NEBL: variants seen among roughly 807,000 people sequenced by gnomAD.
NEBL encodes the protein LIM and SH3 protein 2.
NEBL carries 122 observed loss-of-function variants against 140.2 expected under a neutral mutation model. That is an observed-to-expected ratio of 0.87 (90% CI 0.75 to 1.01). The LOEUF (loss-of-function observed/expected upper bound fraction) is 1.01. Ranked by LOEUF, NEBL falls within the 50% of genes least tolerant of loss-of-function variation. The pLI is 0.00. For missense variants in NEBL, 1,365 were observed against 1,231.3 expected (o/e 1.11, Z -1.62); for synonymous variants, 436 against 398.9 (o/e 1.09, Z -1.11).
intron 2 of NEBL, among the ~76,000 whole-genome samples, chr10:21,169,558 C>T (rs1008007565): frequency 6.6e-6 from 1 of 152,134 alleles, no homozygotes; most frequent in Non-Finnish European, 1.5e-5. Context: ...CCTTTTCAGA[C>T]TACAGACTGA....
rs1840104581 is a variant in NEBL, at chr10:20,828,566, A to C, written c.1740T>G (p.Ile580Met). 1 of 1,596,766 alleles carries C rather than the reference A, an allele frequency of 6.3e-7. No homozygotes were observed. ...NYSTIADTPE[I>M]QRIKTTQQNI... Reference sequence around the variant, plus strand: ...TTTGTTGAGTTGTCTTAATTCTCTGAATTTCAGGAGTATCTGCTATGGTAG... The same window carrying C: ...TTTGTTGAGTTGTCTTAATTCTCTGCATTTCAGGAGTATCTGCTATGGTAG... Residue 580 changes from isoleucine to methionine, a missense_variant, in exon 17 of 28, where the codon ATT (isoleucine) becomes ATG (methionine). This residue lies in a region of NEBL where 1,323 missense variants were observed against 1,154.8 expected (regional missense o/e 1.15). Coordinates refer to ENST00000377122, the MANE Select transcript of NEBL (RefSeq NM_006393.3).
At chr10:20,954,380 A>G (rs138122667) in intron 4 of NEBL, among the ~76,000 whole-genome samples, 5 of 152,368 alleles carry the variant, frequency 3.3e-5, no homozygotes, top group African/African-American at 1.2e-4. Context: ...CTGTATAGAA[A>G]AAAAGACACA....
intron 3 of NEBL, among the ~76,000 whole-genome samples, chr10:20,975,350 C>T (rs960507208): frequency 1.3e-5 from 2 of 151,978 alleles, no homozygotes; most frequent in African/African-American, 4.8e-5. Flanking sequence ...TCTGCTTGGG[C>T]CCATGAATGG....
Position 21,105,685 on chromosome 10 carries a change from C to A in NEBL, c.164+66698G>T, listed in dbSNP as rs147655230. 2.8e-3 allele frequency among the ~76,000 whole-genome samples: 427 copies of A among 152,202 alleles called. 1 individual carries two copies. Among genetic ancestry groups the A allele is most frequent in the African/African-American group, 8.9e-3 (370 of 41,512 alleles). On this transcript the variant is annotated intron_variant, in intron 2 of 6. Coordinates refer to the NEBL transcript ENST00000417816. ...TCTTTGTAGTAGCATGATTTATAATCCTTTGGGTATATACCCAATAAGGGG... is the reference window on the plus strand; with the variant it reads ...TCTTTGTAGTAGCATGATTTATAATACTTTGGGTATATACCCAATAAGGGG...
At chr10:21,112,192 A>G (rs942633800) in intron 2 of NEBL, among the ~76,000 whole-genome samples, 25 of 152,302 alleles carry the variant, frequency 1.6e-4, no homozygotes, top group Admixed American at 1.3e-3. Flanking sequence ...CGATTCCTCA[A>G]GGATTTAGAA....
At chr10:21,209,265 C>T (rs1841878648) in intron 3 of NEBL, among the ~76,000 whole-genome samples, 2 of 152,196 alleles carry the variant, frequency 1.3e-5, no homozygotes, top group Admixed American at 6.5e-5. Context: ...CATGACTACA[C>T]TGCCTTAAGA....
At chr10:20,887,738 T>C (rs917429054) in intron 4 of NEBL, among the ~76,000 whole-genome samples, 3 of 152,160 alleles carry the variant, frequency 2.0e-5, no homozygotes, top group Non-Finnish European at 4.4e-5. Context: ...TTATGTGGCT[T>C]TTAACAAGCT....
At chr10:20,953,437 T>C (rs922490079) in intron 4 of NEBL, among the ~76,000 whole-genome samples, 10 of 152,024 alleles carry the variant, frequency 6.6e-5, no homozygotes, top group African/African-American at 2.4e-4. Flanking sequence ...GAGAAAAATT[T>C]CTGTCGCTTT....
At chr10:20,914,357 T>C (rs1848447205) in intron 4 of NEBL, among the ~76,000 whole-genome samples, 1 of 152,202 alleles carries the variant, frequency 6.6e-6, no homozygotes, top group Admixed American at 6.5e-5. Flanking sequence ...ATTTGCTTTT[T>C]AATGACTTCA....
rs535186327 is a variant in NEBL at position 21,270,276 on chromosome 10, T to C, written n.183-18448A>G. Among the ~76,000 whole-genome samples the C allele has an allele frequency of 3.9e-5, 6 of 152,310 alleles. No individual in the cohort carries two copies. In the South Asian group the frequency reaches 1.2e-3, roughly 32 times the overall value. On this transcript the variant is annotated intron_variant and non_coding_transcript_variant, in intron 1 of 8. Coordinates refer to the NEBL transcript ENST00000675702. ...ACAGAAGTTTCTTCTATTAAGCATC[T>C]TCAATTAAGCTGCACATCTCCAAAT... is the stretch of plus-strand genomic sequence containing the variant.
At position 20,781,926 on chromosome 10, in the gene NEBL, G is replaced by T. The variant is rs1409105806; in HGVS notation, c.*3821C>A. On this transcript the variant is annotated 3_prime_UTR_variant, in exon 28 of 28. Transcript: ENST00000377122. ...ACTTTTAGATTATCAGAAGCAAATC[G>T]CTAAGGTATAATTAATTTATGAAGT... 2 of 152,372 alleles carry T rather than the reference G, an allele frequency of 1.3e-5. No individual in the cohort carries two copies. The highest frequency in any genetic ancestry group is 4.8e-5 in the African/African-American group (2 of 41,356). The allele number at this position is 152,372 out of a possible 1,614,324, so 9.4% of individuals were successfully genotyped here.
At chr10:20,800,229 CT>C (rs958674307) in intron 26 of NEBL, among the ~76,000 whole-genome samples, 12 of 140,662 alleles carry the variant, frequency 8.5e-5, no homozygotes, top group Admixed American at 6.4e-4. Flanking sequence ...CAATATTTTT[CT>C]TTCTATGTCT....
chr10:21,055,240 A>T, intron 2 of NEBL, among the ~76,000 whole-genome samples: 1 of 152,242 alleles, frequency 6.6e-6, no homozygotes, highest in South Asian at 2.1e-4. Context: ...CAAATCTTTT[A>T]AAATCTATAA....
At chr10:20,847,232 A>G (rs1350480682) in intron 11 of NEBL, among the ~76,000 whole-genome samples, 2 of 152,192 alleles carry the variant, frequency 1.3e-5, no homozygotes, top group Non-Finnish European at 2.9e-5. Context: ...TCTGGCCTTT[A>G]GCATATGAAT....
chr10:20,871,781 C>A (rs1400912251), intron 5 of NEBL, among the ~76,000 whole-genome samples: 2 of 152,006 alleles, frequency 1.3e-5, no homozygotes, highest in Non-Finnish European at 2.9e-5. Context: ...AAAATAAGGC[C>A]GAAACTGAGT....
At chr10:21,287,346 G>A (rs992189163) in intron 1 of NEBL, among the ~76,000 whole-genome samples, 3 of 152,118 alleles carry the variant, frequency 2.0e-5, no homozygotes, top group Non-Finnish European at 2.9e-5. Flanking sequence ...GACCAGCCTG[G>A]GCAACATGGT....
chr10:20,968,435 C>T (rs1720534742), intron 3 of NEBL, among the ~76,000 whole-genome samples: 1 of 152,048 alleles, frequency 6.6e-6, no homozygotes, highest in Non-Finnish European at 1.5e-5. Context: ...TACCTCAGCC[C>T]AGAAGTTCAA....
intron 2 of NEBL, among the ~76,000 whole-genome samples, chr10:21,024,552 T>C (rs1250061888): frequency 1.3e-5 from 2 of 150,062 alleles, no homozygotes; most frequent in Non-Finnish European, 3.0e-5. Context: ...AAGAGTGGGA[T>C]GGCCTCATGA....
At chr10:21,060,223 C>T (rs1835214057) in intron 2 of NEBL, among the ~76,000 whole-genome samples, 1 of 152,188 alleles carries the variant, frequency 6.6e-6, no homozygotes, top group South Asian at 2.1e-4. Context: ...AGATGGAGAG[C>T]TACCACTCCC....
Sources: gnomAD v4.1 joint callset for allele counts (sites outside exome capture counted in the v4.1 genomes callset) on GRCh38, gnomAD v4.1.1 for gene constraint, gnomAD v4.1.1 regional missense constraint, MANE v1.5 for transcripts, NCBI Gene and HGNC (gene_info 2026-07-23, HGNC 2026-07-21) for gene names.